GLIS3: variants seen among roughly 807,000 people sequenced by gnomAD.
GLIS3 encodes the protein zinc finger protein GLIS3.
Under a neutral mutation model 78.6 loss-of-function variants are expected in GLIS3, and 53 were observed. The observed-to-expected ratio is 0.67, with a 90% CI of 0.54 to 0.85. GLIS3 has a LOEUF of 0.85. Among genes scored for constraint, GLIS3 ranks in the 40% least tolerant of loss-of-function variants. The pLI is 0.00. For missense variants in GLIS3, 1,703 were observed against 1,231.1 expected, an observed-to-expected ratio of 1.38 and a Z score of -5.74; for synonymous variants, 684 against 509.9, an observed-to-expected ratio of 1.34 and a Z score of -4.60.
the GLIS3 span, among the ~76,000 whole-genome samples, chr9:4,361,508 A>G: frequency 6.6e-5 from 10 of 152,190 alleles, no homozygotes; most frequent in Non-Finnish European, 1.0e-4. Flanking sequence ...TCTCTAATCA[A>G]TAGTGTTCTG....
chr9:4,147,107 T>C (rs1834282114), intron 2 of GLIS3, among the ~76,000 whole-genome samples: 1 of 152,182 alleles, frequency 6.6e-6, no homozygotes, highest in Non-Finnish European at 1.5e-5. Flanking sequence ...ATTCATTTCT[T>C]CCCCAAATTG....
At chr9:3,912,233 G>A (rs1253453384) in intron 6 of GLIS3, among the ~76,000 whole-genome samples, 2 of 152,172 alleles carry the variant, frequency 1.3e-5, no homozygotes, top group Admixed American at 6.5e-5. Flanking sequence ...CGTACGTTAA[G>A]AGTGAGACCT....
At chr9:4,153,319 T>G (rs368853921) in intron 2 of GLIS3, among the ~76,000 whole-genome samples, 40 of 152,178 alleles carry the variant, frequency 2.6e-4, no homozygotes, top group African/African-American at 9.6e-4. Context: ...ATCCCAGCAC[T>G]TTGGGAGGCT....
chr9:3,919,344 T>C (rs534190336), intron 6 of GLIS3, among the ~76,000 whole-genome samples: 1 of 152,318 alleles, frequency 6.6e-6, no homozygotes, highest in African/African-American at 2.4e-5. Context: ...TGTGCTTTGT[T>C]AGTCATTTAA....
intron 4 of GLIS3, among the ~76,000 whole-genome samples, chr9:4,089,928 T>C (rs891963005): frequency 6.6e-6 from 1 of 152,210 alleles, no homozygotes; most frequent in Admixed American, 6.5e-5. Context: ...GGAGTATTTA[T>C]TTTTGTTCAG....
At chr9:4,151,650 C>G (rs1360768460) in intron 2 of GLIS3, among the ~76,000 whole-genome samples, 1 of 152,150 alleles carries the variant, frequency 6.6e-6, no homozygotes, top group Non-Finnish European at 1.5e-5. Context: ...GAGGGGATTT[C>G]TTTGGATTGT....
intron 2 of GLIS3, among the ~76,000 whole-genome samples, chr9:4,282,121 A>T (rs1409304384): frequency 6.6e-6 from 1 of 152,204 alleles, no homozygotes; most frequent in Admixed American, 6.5e-5. Flanking sequence ...ATTCTTAGGC[A>T]ACTTAACCTT....
At chr9:4,325,176 C>G (rs915927556) in intron 2 of GLIS3, among the ~76,000 whole-genome samples, 4 of 152,192 alleles carry the variant, frequency 2.6e-5, no homozygotes, top group African/African-American at 9.6e-5. Context: ...TACTTGAATG[C>G]ATAAATGTGA....
rs757592339 is a variant in GLIS3, at chr9:4,118,761, G to A, written c.717C>T (p.Asn239=). ...GATCAAGGCCATTCTGAGAGCCGTG[G>A]TTGGAGAGCGAAGGGAGGGCCCTGT... ...QGYRALPSLS[N]HGSQNGLDLG... is the part of the protein sequence containing the mutation. The change falls in exon 4 of 11, where the codon AAC becomes AAT. Residue 239 remains asparagine, a synonymous_variant. Coordinates refer to ENST00000381971, the MANE Select transcript of GLIS3 (RefSeq NM_001042413.2). This position sits in a 1 kb window ranked among gnomAD's most constrained non-coding sequence, Gnocchi z 4.7. 1.2e-6 allele frequency: 2 copies of A among 1,613,614 alleles called. No individual in the cohort carries two copies. The highest frequency in any genetic ancestry group is 1.3e-5 in the African/African-American group (1 of 75,034).
At chr9:3,864,102 T>C (rs1820414662) in intron 8 of GLIS3, among the ~76,000 whole-genome samples, 1 of 152,136 alleles carries the variant, frequency 6.6e-6, no homozygotes, top group Non-Finnish European at 1.5e-5. Flanking sequence ...GAAGAAAATT[T>C]ATCCAGAGTG....
intron 2 of GLIS3, among the ~76,000 whole-genome samples, chr9:4,142,581 A>G (rs1286390076): frequency 1.3e-5 from 2 of 152,228 alleles, no homozygotes; most frequent in Admixed American, 1.3e-4. Context: ...TACAGGCAGA[A>G]ATCTCACTTT....
At chr9:3,967,733 G>C (rs633565) in intron 4 of GLIS3, among the ~76,000 whole-genome samples, 3 of 151,812 alleles carry the variant, frequency 2.0e-5, no homozygotes, top group African/African-American at 7.3e-5. Flanking sequence ...TAAGAGACAA[G>C]TGCAATGTCA....
chr9:3,884,939 A>G (rs539042662), intron 7 of GLIS3, among the ~76,000 whole-genome samples: 1 of 152,178 alleles, frequency 6.6e-6, no homozygotes, highest in Non-Finnish European at 1.5e-5. Context: ...CTTGTTGCCA[A>G]TAGCCACTAA....
chr9:4,367,994 A>C, the GLIS3 span, among the ~76,000 whole-genome samples: 4 of 152,204 alleles, frequency 2.6e-5, no homozygotes, highest in African/African-American at 9.7e-5. Context: ...ATTTGCAACC[A>C]AGTGTAATTC....
chr9:4,108,933 G>A (rs973629951), intron 4 of GLIS3, among the ~76,000 whole-genome samples: 1 of 152,100 alleles, frequency 6.6e-6, no homozygotes, highest in Non-Finnish European at 1.5e-5. Flanking sequence ...GGGAGGGCTC[G>A]TGCTGCCAGA....
intron 2 of GLIS3, among the ~76,000 whole-genome samples, chr9:4,339,051 A>T (rs1587393785): frequency 6.6e-6 from 1 of 152,370 alleles, no homozygotes; most frequent in South Asian, 2.1e-4. Context: ...TTCATGAAGC[A>T]AAATAATCAT....
intron 4 of GLIS3, among the ~76,000 whole-genome samples, chr9:4,101,399 CTTAA>C (rs1413054109): frequency 6.6e-6 from 1 of 152,118 alleles, no homozygotes; most frequent in Non-Finnish European, 1.5e-5. Context: ...GCTGTTCTTA[CTTAA>C]TTTTGTTCTT....
chr9:4,313,955 CAGAA>C (rs1436654031), intron 2 of GLIS3, among the ~76,000 whole-genome samples: 1 of 152,146 alleles, frequency 6.6e-6, no homozygotes, highest in Non-Finnish European at 1.5e-5. Flanking sequence ...AACTGAAGTC[CAGAA>C]AGAGTCACTG....
Position 4,342,440 on chromosome 9 carries a change from G to C in GLIS3, n.264+4641C>G, listed in dbSNP as rs117410359. On this transcript the variant is annotated intron_variant and non_coding_transcript_variant, in intron 2 of 4. Coordinates refer to the GLIS3 transcript ENST00000471664. ...GCTTTATTTCTGGGTTCTCTATTCT[G>C]TTCCATTGGTCTATGTGTCTGTGTA... Among the ~76,000 whole-genome samples the C allele has an allele frequency of 2.0e-3, 309 of 152,234 alleles. 1 individual carries two copies. The highest frequency in any genetic ancestry group is 2.2e-3 in the African/African-American group (92 of 41,544).
Sources: allele counts gnomAD v4.1 joint callset (sites outside exome capture counted in the v4.1 genomes callset), GRCh38; gene constraint gnomAD v4.1.1; non-coding constraint Gnocchi (gnomAD v3.1); transcripts MANE v1.5; gene names NCBI Gene and HGNC (gene_info 2026-07-23, HGNC 2026-07-21).